Variants in INSRR observed in about 807,000 individuals in gnomAD.
The protein encoded by INSRR is insulin receptor-related protein.
INSRR carries 114 observed loss-of-function variants against 130.0 expected under a neutral mutation model. The ratio of observed to expected loss-of-function variants is 0.88; its 90% CI spans 0.75 to 1.02. The LOEUF (loss-of-function observed/expected upper bound fraction) is 1.02. Among genes scored for constraint, INSRR ranks in the 50% least tolerant of loss-of-function variants. The probability of loss-of-function intolerance (pLI) is 0.00; values close to 1 mark genes in which losing one functional copy is unlikely to be tolerated. For synonymous variants in INSRR, 674 were observed against 705.2 expected (o/e 0.96, Z 0.70); for missense variants, 1,657 against 1,735.2 (o/e 0.95, Z 0.80).
intron 6 of INSRR, 75 bp from the exon 7 acceptor site, chr1:156,849,122 C>G: frequency 6.3e-7 from 1 of 1,597,678 alleles, no homozygotes; most frequent in Non-Finnish European, 8.5e-7. Flanking sequence ...CCGCGGCATC[C>G]CATTCCCAGT....
rs754772215 is a variant in INSRR at position 156,853,797 on chromosome 1, C to T, written c.592G>A (p.Gly198Arg). Residue 198 changes from glycine (G) to arginine (R), a missense_variant, in exon 2 of 22, where the codon GGG (glycine) becomes AGG (arginine). Gly to Arg is a moderately radical substitution (Grantham distance 125). Coordinates refer to ENST00000368195, the MANE Select transcript of INSRR (RefSeq NM_014215.3). ...GTCCAGCATCTGTAGTCAGTGTGCC[C>T]GCTGAAGGTGGTCTTGGCACAGGGC... Reference protein sequence around the residue: ...GEPCAKTTFSGHTDYRCWTSS... With the variant: ...GEPCAKTTFSRHTDYRCWTSS... The T allele has an allele frequency of 6.1e-5, 98 of 1,611,108 alleles. No homozygotes were observed. Among genetic ancestry groups the T allele is most frequent in the Non-Finnish European group, 7.6e-5 (90 of 1,177,938 alleles).
chr1:156,853,675 A>G (rs928735969), intron 2 of INSRR, 77 bp downstream of exon 2: 1 of 1,413,358 alleles, frequency 7.1e-7, no homozygotes, highest in Non-Finnish European at 9.7e-7. Context: ...ACTGACCCAC[A>G]CCATCCTGTG....
chr1:156,842,084 G>T, intron 19 of INSRR, 28 bp downstream of exon 19: 1 of 1,613,252 alleles, frequency 6.2e-7, no homozygotes, highest in Non-Finnish European at 8.5e-7. Context: ...TTTTCAGGCC[G>T]CCCTCATCTG....
chr1:156,849,280 C>G lies in INSRR; in HGVS notation c.1410G>C (p.Glu470Asp), dbSNP rs1429332000. Residue 470 changes from glutamate (E) to aspartate (D), a missense_variant, in exon 6 of 22, where the codon GAG (glutamate) becomes GAC (aspartate). Glu to Asp is a conservative substitution (Grantham distance 45, BLOSUM62 2). Transcript: ENST00000368195. ...TGTRGRQNKA[E>D]INPRTNGDRA... ...GGTCTCCGTTGGTGCGGGGGTTGAT[C>G]TCAGCCTTGTTCTGCCGACCTCGCG... 9 of 1,613,834 alleles carry G rather than the reference C, an allele frequency of 5.6e-6. No individual in the cohort carries two copies. Among genetic ancestry groups the G allele is most frequent in the Admixed American group, 1.7e-5 (1 of 59,984 alleles).
chr1:156,849,504 A>AGGGGGGGGGCG, intron 5 of INSRR, 44 bp from the exon 6 acceptor site: 1 of 243,718 alleles, frequency 4.1e-6, no homozygotes, highest in Admixed American at 5.1e-5. Flanking sequence ...AGGTGGGGGC[A>AGGGGGGGGGCG]GGGGGTGGGA....
At position 156,849,053 on chromosome 1, in the gene INSRR, T is replaced by C. The variant is rs758843943; in HGVS notation, c.1445-6A>G. 4 of 1,611,792 alleles carry C rather than the reference T, an allele frequency of 2.5e-6. No homozygotes were observed. The highest frequency in any genetic ancestry group is 3.4e-6 in the Non-Finnish European group (4 of 1,179,424). Reference sequence around the variant, plus strand: ...GCGCAGGGTGCGAGTCTGGCCTGGGTGGGGCGAGGGGCCTGCTCGCAACCG... The same window carrying C: ...GCGCAGGGTGCGAGTCTGGCCTGGGCGGGGCGAGGGGCCTGCTCGCAACCG... On this transcript the variant is annotated splice_polypyrimidine_tract_variant and splice_region_variant and intron_variant, in intron 6 of 21. Coordinates refer to ENST00000368195, the MANE Select transcript of INSRR (RefSeq NM_014215.3).
chr1:156,858,642 T>G lies in INSRR; in HGVS notation c.-21A>C. The G allele has an allele frequency of 6.2e-7, 1 of 1,608,392 alleles. No individual in the cohort carries two copies. Among genetic ancestry groups the G allele is most frequent in the South Asian group, 1.1e-5 (1 of 90,946 alleles). Reference sequence around the variant, plus strand: ...GCCATTGTCCCAGCCCTGGCTTGTGTCCAGTCCCGGCTCTCCTCCCGGTGA... The same window carrying G: ...GCCATTGTCCCAGCCCTGGCTTGTGGCCAGTCCCGGCTCTCCTCCCGGTGA... On this transcript the variant is annotated 5_prime_UTR_variant, in exon 1 of 22. Coordinates refer to ENST00000368195, the MANE Select transcript of INSRR (RefSeq NM_014215.3).
At chr1:156,849,502 G>C (rs1445605370) in intron 5 of INSRR, 42 bp from the exon 6 acceptor site, 1 of 934,046 alleles carries the variant, frequency 1.1e-6, no homozygotes, top group South Asian at 1.3e-5. Context: ...GGAGGTGGGG[G>C]CAGGGGGTGG....
rs140302448 is a variant in INSRR at position 156,853,924 on chromosome 1, C to G, written c.465G>C (p.Trp155Cys). The G allele has an allele frequency of 1.9e-6, 3 of 1,614,098 alleles. No individual in the cohort carries two copies. The highest frequency in any genetic ancestry group is 2.5e-6 in the Non-Finnish European group (3 of 1,179,994). The change falls in exon 2 of 22, where the codon TGG becomes TGC. Residue 155 changes from tryptophan to cysteine, a missense_variant. Transcript: ENST00000368195. ...QELCHLSTID[W>C]GLLQPAPGAN... Reference sequence around the variant, plus strand: ...CGCCAGGTGCTGGCTGCAGCAGTCCCCAGTCAATGGTGGAGAGGTGGCAGA... The same window carrying G: ...CGCCAGGTGCTGGCTGCAGCAGTCCGCAGTCAATGGTGGAGAGGTGGCAGA...
Position 156,841,713 on chromosome 1 carries a change from G to T in INSRR, c.3479C>A (p.Ala1160Asp). 2.5e-6 allele frequency: 4 copies of T among 1,614,142 alleles called. No homozygotes were observed. The highest frequency in any genetic ancestry group is 3.4e-6 in the Non-Finnish European group (4 of 1,180,004). ...GATCCCATCTTTGAGGGACTCGGGG[G>T]CCATCCAGCGCACGGGCAGCAGCCC... ...GKGLLPVRWM[A>D]PESLKDGIFT... Residue 1160 changes from alanine (A) to aspartate (D), a missense_variant, in exon 20 of 22, where the codon GCC becomes GAC. By Grantham distance (126) the Ala-to-Asp change is moderately radical. Coordinates refer to ENST00000368195, the MANE Select transcript of INSRR (RefSeq NM_014215.3).
At position 156,845,323 on chromosome 1, in the gene INSRR, C is replaced by T. The variant is rs775055011; in HGVS notation, c.2217-27G>A. ...TGGGGAGAGCGAGTCAGAGCCAAGGCCCAGCCCCCAAAGCCACGCCCCTCA... is the reference window on the plus strand; with the variant it reads ...TGGGGAGAGCGAGTCAGAGCCAAGGTCCAGCCCCCAAAGCCACGCCCCTCA... On this transcript the variant is annotated intron_variant, in intron 11 of 21. Transcript: ENST00000368195. The T allele has an allele frequency of 1.9e-6, 3 of 1,610,028 alleles. No homozygotes were observed. In the East Asian group the frequency reaches 6.7e-5, roughly 36 times the overall value.
rs1048225104 is a variant in INSRR at position 156,854,227 on chromosome 1, G to T, written c.162C>A (p.His54Gln). The stretch of plus-strand genomic sequence containing the variant: ...CTGTGAACATGAGCAGGATCTGCAG[G>T]TGGCCCTCCACCACGCTGCAGTTCT... ...QLENCSVVEG[H>Q]LQILLMFTAT... Residue 54 changes from histidine (H) to glutamine (Q), a missense_variant, in exon 2 of 22, where the codon CAC becomes CAA. His to Gln is a conservative substitution (Grantham distance 24). Coordinates refer to ENST00000368195, the MANE Select transcript of INSRR (RefSeq NM_014215.3). The surrounding 1 kb of genome is among the most constrained non-coding windows in gnomAD (Gnocchi z 4.2). 6.2e-7 allele frequency: 1 copy of T among 1,613,830 alleles called. No individual in the cohort carries two copies. Among genetic ancestry groups the T allele is most frequent in the African/African-American group, 1.3e-5 (1 of 74,946 alleles).
intron 2 of INSRR, 89 bp from the exon 3 acceptor site, chr1:156,852,280 G>T (rs1405912678): frequency 7.6e-6 from 10 of 1,316,082 alleles, no homozygotes; most frequent in Non-Finnish European, 8.3e-6. Context: ...TTTCTCTTGG[G>T]ATGACACTCA....
At position 156,842,443 on chromosome 1, in the gene INSRR, A is replaced by G. The variant is rs143355682; in HGVS notation, c.3192T>C (p.Arg1064=). ...ATCGAAGATGGCTCTTGAGGTCCCC[A>G]CGGGTCATTAACTCCATGATGACCA... The part of the protein sequence containing the change: ...PTLVIMELMT[R]GDLKSHLRSL... The change falls in exon 18 of 22, where the codon CGT becomes CGC. Residue 1064 remains arginine (R), a synonymous_variant. Coordinates refer to ENST00000368195, the MANE Select transcript of INSRR (RefSeq NM_014215.3). The G allele has an allele frequency of 1.1e-5, 18 of 1,613,928 alleles. No individual in the cohort carries two copies. The Admixed American group carries it at 3.0e-4, about 27-fold the overall frequency.
chr1:156,842,148 A>G lies in INSRR; in HGVS notation c.3361T>C (p.Cys1121Arg). Residue 1121 changes from cysteine (C) to arginine (R), a missense_variant, in exon 19 of 22, where the codon TGC becomes CGC. Cys to Arg is a radical substitution (Grantham distance 180). Coordinates refer to ENST00000368195, the MANE Select transcript of INSRR (RefSeq NM_014215.3). ...FVHRDLAARNCMVSQDFTVKI... is the reference protein window; with the variant it reads ...FVHRDLAARNRMVSQDFTVKI... ...ACGGTGAAGTCCTGGGACACCATGC[A>G]GTTGCGGGCTGCTAGATCTCGGTGC... 1 of 1,613,750 alleles carries G rather than the reference A, an allele frequency of 6.2e-7. No homozygotes were observed. The highest frequency in any genetic ancestry group is 8.5e-7 in the Non-Finnish European group (1 of 1,179,918).
In INSRR at chr1:156,846,546, T is replaced by C. The variant is rs556621833; in HGVS notation, c.1783A>G (p.Ile595Val). ...GCAGGCAGCGTTCGGAGGTAGACGA[T>C]GGGACTCTGGGCTCCTTGATGAGGG... ...DSPHQGAQSP[I>V]VYLRTLPAAP... Residue 595 changes from isoleucine (I) to valine (V), a missense_variant, in exon 8 of 22, where the codon ATC becomes GTC. Ile to Val is a conservative substitution (Grantham distance 29). Transcript: ENST00000368195. 2.5e-6 allele frequency: 4 copies of C among 1,614,154 alleles called. No homozygotes were observed. The African/African-American group carries it at 4.0e-5, about 16-fold the overall frequency.
Position 156,851,959 on chromosome 1 carries a change from G to T in INSRR, c.870C>A (p.Ala290=). The change falls in exon 3 of 22, where the codon GCC becomes GCA. Residue 290 remains alanine (A), a synonymous_variant. Coordinates refer to ENST00000368195, the MANE Select transcript of INSRR (RefSeq NM_014215.3). ...TGCCCTGGTGTATGCCGAAGGTGGA[G>T]GCACGGCCGGGCACAGAGTGCAGGC... The part of the protein sequence containing the change: ...CASLHSVPGR[A]STFGIHQGSC... 6.2e-7 allele frequency: 1 copy of T among 1,607,402 alleles called. No individual in the cohort carries two copies. The highest frequency in any genetic ancestry group is 8.5e-7 in the Non-Finnish European group (1 of 1,174,784).
chr1:156,846,574 GTCC>G lies in INSRR; in HGVS notation c.1752_1754del (p.Glu584del). The stretch of plus-strand genomic sequence containing the variant: ...GACTCTGGGCTCCTTGATGAGGGCT[GTCC>G]TCCTCAGTGGTTAGCGTGATGGCCC... On this transcript the variant is annotated inframe_deletion, in exon 8 of 22. Transcript: ENST00000368195. The G allele has an allele frequency of 6.2e-7, 1 of 1,614,198 alleles. No individual in the cohort carries two copies. The highest frequency in any genetic ancestry group is 8.5e-7 in the Non-Finnish European group (1 of 1,180,034).
Position 156,851,738 on chromosome 1 carries a change from C to T in INSRR, c.992G>A (p.Gly331Asp). Reference sequence around the variant, plus strand: ...CTGGATGGAGTCGATGGTCTTGGTGCCTACCTTGCACTCTTTAGGGCACAG... The same window carrying T: ...CTGGATGGAGTCGATGGTCTTGGTGTCTACCTTGCACTCTTTAGGGCACAG... The part of the protein sequence containing the change: ...EGLCPKECKV[G>D]TKTIDSIQAA... Residue 331 changes from glycine (G) to aspartate (D), a missense_variant, in exon 4 of 22, where the codon GGC (glycine) becomes GAC (aspartate). Gly to Asp is a moderately conservative substitution (Grantham distance 94, BLOSUM62 -1). Transcript: ENST00000368195. 1 of 1,614,174 alleles carries T rather than the reference C, an allele frequency of 6.2e-7. No individual in the cohort carries two copies. The highest frequency in any genetic ancestry group is 8.5e-7 in the Non-Finnish European group (1 of 1,180,016).
Sources: allele counts gnomAD v4.1 joint callset, GRCh38; gene constraint gnomAD v4.1.1; non-coding constraint Gnocchi (gnomAD v3.1); transcripts MANE v1.5; gene names NCBI Gene and HGNC (gene_info 2026-07-23, HGNC 2026-07-21).